MICOS10: variants seen among roughly 807,000 people sequenced by gnomAD.
The protein encoded by MICOS10 is MICOS complex subunit MIC10.
A neutral mutation model predicts 13.4 loss-of-function variants in MICOS10; 5 were observed. The observed-to-expected ratio is 0.37, with a 90% CI of 0.20 to 0.78. The LOEUF is 0.78. Ranked by LOEUF, MICOS10 falls within the 30% of genes least tolerant of loss-of-function variation. MICOS10 has a pLI of 0.47. For missense variants in MICOS10, 101 were observed against 94.6 expected (o/e 1.07, Z -0.28); for synonymous variants, 35 against 33.6 (o/e 1.04, Z -0.15).
At chr1:19,625,355 G>A in intron 3 of MICOS10, 1 of 1,283,376 alleles carries the variant, frequency 7.8e-7, no homozygotes, top group Non-Finnish European at 1.0e-6. Context: ...ATCCAAAGTA[G>A]CAGTATCCTG....
intron 1 of MICOS10, among the ~76,000 whole-genome samples, chr1:19,601,469 T>G (rs890292029): frequency 7.2e-5 from 11 of 151,840 alleles, no homozygotes; most frequent in Admixed American, 3.3e-4. Context: ...TACCAGCTAC[T>G]TGGGAGGCTG....
chr1:19,597,144 T>C (rs2094794850), intron 1 of MICOS10, 35 bp downstream of exon 1: 2 of 1,586,622 alleles, frequency 1.3e-6, no homozygotes. Context: ...GCCCGGCCGG[T>C]GCAGAGCTGC....
At chr1:19,602,874 C>T (rs1247370656) in intron 1 of MICOS10, among the ~76,000 whole-genome samples, 3 of 152,050 alleles carry the variant, frequency 2.0e-5, no homozygotes, top group Non-Finnish European at 4.4e-5. Context: ...TCCACAGAGC[C>T]GATGTCCTCA....
At chr1:19,611,579 C>T (rs1300841365) in intron 1 of MICOS10, among the ~76,000 whole-genome samples, 5 of 149,466 alleles carry the variant, frequency 3.3e-5, no homozygotes, top group East Asian at 2.0e-4. Context: ...ACTCCAGTGA[C>T]GTCCTGCCTG....
chr1:19,615,164 G>T (rs1349006730), intron 1 of MICOS10, among the ~76,000 whole-genome samples: 1 of 152,208 alleles, frequency 6.6e-6, no homozygotes, highest in African/African-American at 2.4e-5. Context: ...TACCCTTCTT[G>T]ATCACAAGCT....
intron 1 of MICOS10, among the ~76,000 whole-genome samples, chr1:19,607,476 G>A (rs1357640802): frequency 6.6e-6 from 1 of 152,180 alleles, no homozygotes; most frequent in East Asian, 1.9e-4. Context: ...GTCATTTGGT[G>A]TAGTAATATT....
chr1:19,626,661 T>C lies in MICOS10; in HGVS notation c.*260T>C. 4.3e-6 allele frequency: 2 copies of C among 467,466 alleles called. No homozygotes were observed. Among genetic ancestry groups the C allele is most frequent in the South Asian group, 4.6e-5 (2 of 43,382 alleles). The allele number at this position is 467,466 out of a possible 1,614,324, so 29.0% of individuals were successfully genotyped here. Reference sequence around the variant, plus strand: ...TGCATGGCCTTTGTTTCTTCACCTTTGGTCTCTGAGCATGAGGAGGACTGT... The same window carrying C: ...TGCATGGCCTTTGTTTCTTCACCTTCGGTCTCTGAGCATGAGGAGGACTGT... On this transcript the variant is annotated 3_prime_UTR_variant, in exon 4 of 4. Transcript: ENST00000322753.
intron 1 of MICOS10, among the ~76,000 whole-genome samples, chr1:19,615,092 AT>A (rs1483047987): frequency 1.3e-5 from 2 of 152,178 alleles, no homozygotes; most frequent in African/African-American, 4.8e-5. Flanking sequence ...CTGTCCTTTC[AT>A]GGCACTGAGG....
At chr1:19,606,780 A>G (rs192051638) in intron 1 of MICOS10, among the ~76,000 whole-genome samples, 154 of 152,296 alleles carry the variant, frequency 1.0e-3, no homozygotes, top group African/African-American at 3.5e-3. Flanking sequence ...AAAGTAGGAC[A>G]GTAAAAGACT....
chr1:19,623,062 C>T (rs1184814046), intron 2 of MICOS10, among the ~76,000 whole-genome samples: 5 of 151,860 alleles, frequency 3.3e-5, no homozygotes, highest in Non-Finnish European at 7.4e-5. Flanking sequence ...GCTGGGATTA[C>T]AGGCACACGC....
rs1297042541 is a variant in MICOS10 at position 19,629,301 on chromosome 1, C to A, written c.*2900C>A. ...GGGTTTGGGGAGACAGCGATGGGAA[C>A]CCAGCAGGGCACAGGATGCTAGGAT... is the stretch of plus-strand genomic sequence containing the variant. On this transcript the variant is annotated 3_prime_UTR_variant, in exon 4 of 4. Transcript: ENST00000322753. 1.3e-5 allele frequency: 2 copies of A among 152,206 alleles called. No individual in the cohort carries two copies. The highest frequency in any genetic ancestry group is 1.3e-4 in the Admixed American group (2 of 15,276). The allele number at this position is 152,206 out of a possible 1,614,324, so 9.4% of individuals were successfully genotyped here.
At chr1:19,599,268 G>T (rs901682537) in intron 1 of MICOS10, among the ~76,000 whole-genome samples, 2 of 151,830 alleles carry the variant, frequency 1.3e-5, no homozygotes, top group Non-Finnish European at 2.9e-5. Flanking sequence ...TATTCCTCAG[G>T]CCGGTCTCAA....
chr1:19,619,466 C>G (rs552264861), intron 1 of MICOS10, among the ~76,000 whole-genome samples: 1 of 152,162 alleles, frequency 6.6e-6, no homozygotes, highest in Non-Finnish European at 1.5e-5. Context: ...CATTTTCCCC[C>G]TTTTATTACC....
chr1:19,621,989 C>T (rs879188470), intron 1 of MICOS10, 111 bp from the exon 2 acceptor site: 20 of 806,612 alleles, frequency 2.5e-5, no homozygotes, highest in South Asian at 1.5e-4. Context: ...AATTCTCTAC[C>T]AAATTATGAA....
chr1:19,622,970 G>A (rs958893028), intron 2 of MICOS10, among the ~76,000 whole-genome samples: 1 of 144,304 alleles, frequency 6.9e-6, no homozygotes, highest in Non-Finnish European at 1.5e-5. Context: ...TCGCCAGGCT[G>A]GAGTGCAGTG....
At chr1:19,611,126 AT>A (rs1183817440) in intron 1 of MICOS10, among the ~76,000 whole-genome samples, 1 of 151,822 alleles carries the variant, frequency 6.6e-6, no homozygotes, top group African/African-American at 2.4e-5. Context: ...CACTTTTTGT[AT>A]TTTTAGTAGA....
rs974188589 is a variant in MICOS10 at position 19,626,999 on chromosome 1, G to A, written c.*598G>A. ...GCAGGGGAAGAATCCTGGCTGTGTG[G>A]ATGGCCCACTCCATTGAAGTCAAGT... On this transcript the variant is annotated 3_prime_UTR_variant, in exon 4 of 4. Coordinates refer to ENST00000322753, the MANE Select transcript of MICOS10 (RefSeq NM_001032363.4). The A allele has an allele frequency of 2.6e-5, 4 of 154,552 alleles. No homozygotes were observed. The highest frequency in any genetic ancestry group is 5.7e-5 in the Non-Finnish European group (4 of 69,580). 9.6% of individuals were successfully genotyped at this position (154,552 alleles called of 1,614,324 possible). A position where few individuals can be genotyped will look rare whatever the true frequency, so the allele number is the denominator to read the frequency against.
chr1:19,608,666 G>C (rs767575408), intron 1 of MICOS10: 21 of 613,974 alleles, frequency 3.4e-5, no homozygotes, highest in Non-Finnish European at 6.1e-5. Flanking sequence ...TTGTGACCTT[G>C]GAGTCAGAAA....
chr1:19,598,611 T>TA (rs34959568), intron 1 of MICOS10, among the ~76,000 whole-genome samples: 11,634 of 141,330 alleles, frequency 0.082, 598 homozygotes, highest in Non-Finnish European at 0.11. Flanking sequence ...ACCCTTCCCT[T>TA]AAAAAAAAAA....
Sources: gnomAD v4.1 joint callset for allele counts (sites outside exome capture counted in the v4.1 genomes callset) on GRCh38, gnomAD v4.1.1 for gene constraint, MANE v1.5 for transcripts, NCBI Gene and HGNC (gene_info 2026-07-23, HGNC 2026-07-21) for gene names.